XPO6: variants seen among roughly 807,000 people sequenced by gnomAD.
XPO6 encodes the protein exportin 6.
A neutral mutation model predicts 130.0 loss-of-function variants in XPO6; 3 were observed. The ratio of observed to expected loss-of-function variants is 0.02; its 90% CI spans 0.01 to 0.06. The LOEUF (loss-of-function observed/expected upper bound fraction) is 0.06. XPO6 is among the 10% of genes least tolerant of loss of function. The pLI is 1.00. For synonymous variants in XPO6, 524 were observed against 548.9 expected (o/e 0.95, Z 0.63); for missense variants, 970 against 1,393.0 (o/e 0.70, Z 4.83).
Position 28,106,533 on chromosome 16 carries a change from C to A in XPO6, c.2498-36G>T. The A allele has an allele frequency of 1.3e-6, 2 of 1,561,716 alleles. No individual in the cohort carries two copies. The highest frequency in any genetic ancestry group is 1.8e-6 in the Non-Finnish European group (2 of 1,134,114). On this transcript the variant is annotated intron_variant, in intron 18 of 23. Transcript: ENST00000304658. This position sits in a 1 kb window ranked among gnomAD's most constrained non-coding sequence, Gnocchi z 4.2. ...GGGCAGAGATATCGTCAGAGGCTTG[C>A]ACACAGTGAGAACCAGAACCCTGGG...
chr16:28,179,916 A>G (rs980381551), intron 2 of XPO6, among the ~76,000 whole-genome samples: 2 of 152,252 alleles, frequency 1.3e-5, no homozygotes, highest in Admixed American at 1.3e-4. Flanking sequence ...TTTTAAGATC[A>G]GATTAGAATA....
chr16:28,107,436 C>T (rs1036675818), intron 18 of XPO6, 86 bp downstream of exon 18: 7 of 1,493,114 alleles, frequency 4.7e-6, no homozygotes, highest in Non-Finnish European at 5.5e-6. Flanking sequence ...TGTACTGCAC[C>T]GACTCAGTGT....
intron 6 of XPO6, among the ~76,000 whole-genome samples, 168 bp from the exon 7 acceptor site, chr16:28,156,695 T>G (rs1008798688): frequency 6.6e-6 from 1 of 152,058 alleles, no homozygotes; most frequent in Non-Finnish European, 1.5e-5. Context: ...TAAACACTAA[T>G]TAGGAAATTT....
intron 1 of XPO6, among the ~76,000 whole-genome samples, chr16:28,193,184 T>G (rs2141893142): frequency 6.6e-6 from 1 of 152,300 alleles, no homozygotes; most frequent in East Asian, 1.9e-4. Context: ...TCAGTCACGT[T>G]CCTCAAAGGC....
rs750310920 is a variant in XPO6 at position 28,098,494 on chromosome 16, C to G, written c.*44G>C. 1.3e-6 allele frequency: 2 copies of G among 1,549,046 alleles called. No homozygotes were observed. Among genetic ancestry groups the G allele is most frequent in the South Asian group, 2.3e-5 (2 of 86,704 alleles). ...TCTGTGGTGGAAGGTAGGGCTGGCG[C>G]AGGTGGCAGCAGCAGAAGTCCGTGT... On this transcript the variant is annotated 3_prime_UTR_variant, in exon 24 of 24. Coordinates refer to ENST00000304658, the MANE Select transcript of XPO6 (RefSeq NM_015171.4).
intron 1 of XPO6, among the ~76,000 whole-genome samples, chr16:28,198,664 A>T (rs533934719): frequency 6.6e-6 from 1 of 152,050 alleles, no homozygotes; most frequent in Admixed American, 6.5e-5. Context: ...TAATAATTTT[A>T]AAATTTAAAA....
chr16:28,152,508 G>A, intron 8 of XPO6, 151 bp downstream of exon 8: 1 of 942,156 alleles, frequency 1.1e-6, no homozygotes, highest in Non-Finnish European at 1.5e-6. Flanking sequence ...ACTTCACAGG[G>A]ATGTTAGGAA....
At chr16:28,183,016 C>T (rs1430697881) in intron 1 of XPO6, among the ~76,000 whole-genome samples, 1 of 152,166 alleles carries the variant, frequency 6.6e-6, no homozygotes, top group African/African-American at 2.4e-5. Flanking sequence ...AAACTAAGGA[C>T]ACATCTGCAA....
At chr16:28,150,641 C>G (rs1413218498) in intron 8 of XPO6, among the ~76,000 whole-genome samples, 1 of 152,142 alleles carries the variant, frequency 6.6e-6, no homozygotes, top group Non-Finnish European at 1.5e-5. Flanking sequence ...CTATACACAC[C>G]AGAAGACCCC....
intron 13 of XPO6, among the ~76,000 whole-genome samples, chr16:28,123,498 G>T (rs1165558538): frequency 6.6e-6 from 1 of 152,176 alleles, no homozygotes; most frequent in Non-Finnish European, 1.5e-5. Flanking sequence ...GGAAATGGAT[G>T]CCAGGGAAGG....
At chr16:28,162,770 G>A (rs746500992) in intron 6 of XPO6, among the ~76,000 whole-genome samples, 5 of 151,738 alleles carry the variant, frequency 3.3e-5, no homozygotes, top group Non-Finnish European at 5.9e-5. Context: ...TGCCAACACA[G>A]GTCTCAAATT....
At chr16:28,105,091 A>G (rs924983573) in intron 20 of XPO6, among the ~76,000 whole-genome samples, 2 of 152,234 alleles carry the variant, frequency 1.3e-5, no homozygotes, top group African/African-American at 4.8e-5. Flanking sequence ...GACCTGTCAG[A>G]TCTTCTTGCT....
chr16:28,101,123 C>T lies in XPO6; in HGVS notation c.3276+335G>A, dbSNP rs747718345. 9.9e-6 allele frequency: 4 copies of T among 403,452 alleles called. No individual in the cohort carries two copies. The highest frequency in any genetic ancestry group is 1.9e-5 in the Non-Finnish European group (4 of 211,816). The allele number at this position is 403,452 out of a possible 1,614,324, so 25.0% of individuals were successfully genotyped here. On this transcript the variant is annotated intron_variant, in intron 23 of 23. Transcript: ENST00000304658. The surrounding 1 kb of genome is among the most constrained non-coding windows in gnomAD (Gnocchi z 5.4). ...CCTGGGCACACTCCAATGCTGGCCC[C>T]ACCGGGGCTCATCACCCAGGAGGGA... is the stretch of plus-strand genomic sequence containing the variant.
At chr16:28,167,762 T>G (rs1409859805) in intron 5 of XPO6, among the ~76,000 whole-genome samples, 3 of 152,152 alleles carry the variant, frequency 2.0e-5, no homozygotes, top group Non-Finnish European at 2.9e-5. Context: ...ATTCTCAAAT[T>G]TTTCATATTA....
At chr16:28,114,256 T>C (rs1265360938) in intron 15 of XPO6, among the ~76,000 whole-genome samples, 2 of 148,384 alleles carry the variant, frequency 1.3e-5, no homozygotes, top group African/African-American at 5.0e-5. Context: ...GCTGTACATA[T>C]GTAAAGGAAA....
chr16:28,131,617 A>G (rs546382444), intron 12 of XPO6, among the ~76,000 whole-genome samples: 50 of 152,240 alleles, frequency 3.3e-4, no homozygotes, highest in Non-Finnish European at 6.6e-4. Flanking sequence ...GACTTGTACC[A>G]ACAAAGCCAT....
At chr16:28,138,503 A>C (rs775066755) in intron 9 of XPO6, among the ~76,000 whole-genome samples, 18 of 152,154 alleles carry the variant, frequency 1.2e-4, no homozygotes, top group Non-Finnish European at 2.5e-4. Context: ...TCCAAGTAGG[A>C]ACCAGGCAAA....
At position 28,171,379 on chromosome 16, in the gene XPO6, G is replaced by A. The variant is rs547545753; in HGVS notation, c.406-1470C>T. ...GAGGCAGGAGGATCACTTGAACCCA[G>A]GAGGCAAAGGTTGCAGTGAGCCAAG... On this transcript the variant is annotated intron_variant, in intron 4 of 23. Transcript: ENST00000304658. Among the ~76,000 whole-genome samples, 36 of 149,832 alleles carry A rather than the reference G, an allele frequency of 2.4e-4. No homozygotes were observed. The East Asian group carries it at 7.0e-3, about 29-fold the overall frequency.
At chr16:28,123,061 G>A (rs896842442) in intron 13 of XPO6, among the ~76,000 whole-genome samples, 2 of 152,052 alleles carry the variant, frequency 1.3e-5, no homozygotes, top group Non-Finnish European at 2.9e-5. Context: ...TATCTAGTAG[G>A]AAATGGGAAA....
Sources: gnomAD v4.1 joint callset for allele counts (sites outside exome capture counted in the v4.1 genomes callset) on GRCh38, gnomAD v4.1.1 for gene constraint, Gnocchi (gnomAD v3.1) non-coding constraint, MANE v1.5 for transcripts, NCBI Gene and HGNC (gene_info 2026-07-23, HGNC 2026-07-21) for gene names.